The following PPP1R9A variants were observed in gnomAD, a reference collection of about 807,000 sequenced individuals.
PPP1R9A encodes neurabin-1.
In PPP1R9A, 59 loss-of-function variants were observed where a neutral mutation model predicts 141.9. That is an observed-to-expected ratio of 0.42 (90% CI 0.34 to 0.52). The LOEUF (loss-of-function observed/expected upper bound fraction) is 0.52. PPP1R9A is among the 20% of genes least tolerant of loss of function. PPP1R9A has a pLI of 0.10. For synonymous variants in PPP1R9A, 500 were observed against 569.7 expected, an observed-to-expected ratio of 0.88 and a Z score of 1.74; for missense variants, 1,444 against 1,611.9, an observed-to-expected ratio of 0.90 and a Z score of 1.78.
chr7:94,929,423 T>C (rs1793889821), intron 2 of PPP1R9A, among the ~76,000 whole-genome samples: 1 of 152,094 alleles, frequency 6.6e-6, no homozygotes, highest in African/African-American at 2.4e-5. Context: ...TTCGAAGGTT[T>C]AATAAGTGTT....
chr7:95,203,829 A>G (rs1790115391), intron 7 of PPP1R9A, 99 bp downstream of exon 7: 1 of 874,050 alleles, frequency 1.1e-6, no homozygotes, highest in Admixed American at 2.6e-5. Flanking sequence ...GTATGTTCTG[A>G]AGAACTTCTC....
chr7:95,150,154 CA>C (rs36047908), intron 4 of PPP1R9A, among the ~76,000 whole-genome samples: 21,399 of 92,310 alleles, frequency 0.23, 1,779 homozygotes, highest in African/African-American at 0.33. Context: ...ATCCCCCTGC[CA>C]AAAAAAAAAA....
intron 8 of PPP1R9A, among the ~76,000 whole-genome samples, chr7:95,231,236 G>C (rs1795885746): frequency 6.6e-6 from 1 of 152,064 alleles, no homozygotes; most frequent in African/African-American, 2.4e-5. Context: ...TAACACTGGA[G>C]CTCCGAAATT....
At chr7:95,070,540 C>T (rs1329530519) in intron 2 of PPP1R9A, among the ~76,000 whole-genome samples, 2 of 148,142 alleles carry the variant, frequency 1.4e-5, no homozygotes, top group African/African-American at 5.0e-5. Flanking sequence ...CAGAGCACCC[C>T]ACTTAAATGA....
At chr7:94,972,142 C>T (rs758801972) in intron 2 of PPP1R9A, among the ~76,000 whole-genome samples, 2 of 152,168 alleles carry the variant, frequency 1.3e-5, no homozygotes, top group Non-Finnish European at 2.9e-5. Context: ...AATTTTAATT[C>T]ATAAAAGCAG....
At chr7:95,182,844 C>G (rs1834059669) in intron 5 of PPP1R9A, among the ~76,000 whole-genome samples, 1 of 152,040 alleles carries the variant, frequency 6.6e-6, no homozygotes, top group Non-Finnish European at 1.5e-5. Context: ...TTCAAAAAAA[C>G]TAATTAAATG....
At chr7:95,215,279 T>C (rs984215614) in intron 7 of PPP1R9A, among the ~76,000 whole-genome samples, 6 of 152,080 alleles carry the variant, frequency 3.9e-5, no homozygotes, top group Admixed American at 6.5e-5. Context: ...GCTTCATCCA[T>C]GTCCCAACAA....
At chr7:94,921,338 T>C in intron 2 of PPP1R9A, among the ~76,000 whole-genome samples, 1 of 151,416 alleles carries the variant, frequency 6.6e-6, no homozygotes, top group Non-Finnish European at 1.5e-5. Flanking sequence ...TCCCAGCTAC[T>C]CGGGAGGCTG....
At chr7:95,157,712 T>C (rs1052772290) in intron 4 of PPP1R9A, among the ~76,000 whole-genome samples, 1 of 152,256 alleles carries the variant, frequency 6.6e-6, no homozygotes, top group African/African-American at 2.4e-5. Flanking sequence ...GATCTGTTAA[T>C]GCATTCATAT....
intron 2 of PPP1R9A, among the ~76,000 whole-genome samples, chr7:95,052,671 G>T (rs1230443420): frequency 6.6e-6 from 1 of 152,112 alleles, no homozygotes; most frequent in African/African-American, 2.4e-5. Flanking sequence ...TCTTCTTCCT[G>T]CTGGATATCT....
chr7:94,951,181 G>C (rs149986121), intron 2 of PPP1R9A, among the ~76,000 whole-genome samples: 1 of 151,324 alleles, frequency 6.6e-6, no homozygotes, highest in African/African-American at 2.4e-5. Context: ...AATAATGATA[G>C]TTTATTTCTT....
chr7:95,042,925 A>G (rs1809469267), intron 2 of PPP1R9A, among the ~76,000 whole-genome samples: 1 of 152,034 alleles, frequency 6.6e-6, no homozygotes, highest in Non-Finnish European at 1.5e-5. Context: ...TGTTAAAAAA[A>G]AAAGTCCCTT....
intron 8 of PPP1R9A, among the ~76,000 whole-genome samples, chr7:95,246,741 C>G (rs143344607): frequency 6.6e-6 from 1 of 152,014 alleles, no homozygotes; most frequent in Non-Finnish European, 1.5e-5. Flanking sequence ...CCTAAGGAAA[C>G]GAATGATTCG....
Position 95,284,062 on chromosome 7 carries a change from C to A in PPP1R9A, c.3341C>A (p.Ser1114Ter). The change falls in exon 17 of 20, where the codon TCA becomes TAA. Residue 1114 changes from serine (S) to a stop codon, truncating the protein, a stop_gained. Coordinates refer to ENST00000433360, the MANE Select transcript of PPP1R9A (RefSeq NM_001166160.2). LOFTEE classifies it high-confidence loss of function. ...GAAAACTGGACACCCAAGCCATGTTCAACAGCTCAGACCTCCACTCGTTCC... is the reference window on the plus strand; with the variant it reads ...GAAAACTGGACACCCAAGCCATGTTAAACAGCTCAGACCTCCACTCGTTCC... The part of the protein sequence containing the change: ...RLENWTPKPC[S>*]TAQTSTRSPC... The A allele has an allele frequency of 6.3e-7, 1 of 1,598,406 alleles. No individual in the cohort carries two copies. The highest frequency in any genetic ancestry group is 1.1e-5 in the South Asian group (1 of 91,036).
intron 2 of PPP1R9A, among the ~76,000 whole-genome samples, chr7:94,990,388 T>C (rs1294380344): frequency 2.6e-5 from 4 of 152,126 alleles, no homozygotes; most frequent in African/African-American, 9.6e-5. Flanking sequence ...ATTAAACAAG[T>C]GTGTGCTAAA....
chr7:94,980,594 C>T (rs1349007673), intron 2 of PPP1R9A, among the ~76,000 whole-genome samples: 1 of 148,650 alleles, frequency 6.7e-6, no homozygotes, highest in Admixed American at 6.8e-5. Context: ...TGCTACCATG[C>T]CCAGTTTAGT....
At chr7:94,994,757 G>GTACTAAAAATACAAAAA (rs1801954684) in intron 2 of PPP1R9A, among the ~76,000 whole-genome samples, 1 of 152,008 alleles carries the variant, frequency 6.6e-6, no homozygotes, top group African/African-American at 2.4e-5. Flanking sequence ...AGCTGGGCAT[G>GTACTAAAAATACAAAAA]GTGGTGTGCA....
At chr7:95,053,307 A>G (rs1811063229) in intron 2 of PPP1R9A, among the ~76,000 whole-genome samples, 1 of 152,210 alleles carries the variant, frequency 6.6e-6, no homozygotes, top group Non-Finnish European at 1.5e-5. Flanking sequence ...AGGTGTTGGT[A>G]TGTGCTTGTC....
chr7:95,085,197 GTT>G (rs1265130948), intron 2 of PPP1R9A, among the ~76,000 whole-genome samples: 1 of 151,798 alleles, frequency 6.6e-6, no homozygotes, highest in Non-Finnish European at 1.5e-5. Context: ...TGAATGATGT[GTT>G]TATATCTTAG....
Sources: allele counts gnomAD v4.1 joint callset (sites outside exome capture counted in the v4.1 genomes callset), GRCh38; gene constraint gnomAD v4.1.1; transcripts MANE v1.5; gene names NCBI Gene and HGNC (gene_info 2026-07-23, HGNC 2026-07-21).